ECPAS: variants seen among roughly 807,000 people sequenced by gnomAD.
ECPAS encodes the protein proteasome adapter and scaffold protein ECM29.
Under a neutral mutation model 255.1 loss-of-function variants are expected in ECPAS, and 70 were observed. The observed-to-expected ratio is 0.27, with a 90% confidence interval of 0.23 to 0.33. The LOEUF is 0.33. ECPAS is among the 10% of genes least tolerant of loss of function. The probability of loss-of-function intolerance (pLI) is 1.00; values close to 1 mark genes in which losing one functional copy is unlikely to be tolerated. For missense variants in ECPAS, 1,817 were observed against 2,206.4 expected, an observed-to-expected ratio of 0.82 and a Z score of 3.54; for synonymous variants, 784 against 775.0, an observed-to-expected ratio of 1.01 and a Z score of -0.19.
Position 111,408,600 on chromosome 9 carries a change from G to A in ECPAS, c.2623C>T (p.Leu875Phe). 6.3e-7 allele frequency: 1 copy of A among 1,593,666 alleles called. No individual in the cohort carries two copies. Among genetic ancestry groups the A allele is most frequent in the East Asian group, 2.3e-5 (1 of 44,352 alleles). ...GDGDFPHQKL[L>F]LQGLMDSVEA... is the part of the protein sequence containing the mutation. ...ACAGAATCCATCAGACCTTGCAAGA[G>A]GAGTTTCTGGTGAGGAAAATCTCCA... Residue 875 changes from leucine (L) to phenylalanine (F), a missense_variant, in exon 24 of 50, where the codon CTC (leucine) becomes TTC (phenylalanine). Leu to Phe is a conservative substitution (Grantham distance 22). Transcript: ENST00000684092.
intron 49 of ECPAS, among the ~76,000 whole-genome samples, chr9:111,363,038 G>A (rs72607198): frequency 0.063 from 9,547 of 151,988 alleles, 435 homozygotes; most frequent in East Asian, 0.19. Flanking sequence ...GAGAGAGAGA[G>A]AGAAAAAAGA....
chr9:111,478,852 T>C (rs376508870), intron 1 of ECPAS, among the ~76,000 whole-genome samples: 35 of 152,358 alleles, frequency 2.3e-4, no homozygotes, highest in East Asian at 2.1e-3. Flanking sequence ...CTCAATAGTA[T>C]TGTAATTCCT....
intron 2 of ECPAS, among the ~76,000 whole-genome samples, chr9:111,470,962 T>G (rs187302748): frequency 6.6e-6 from 1 of 151,956 alleles, no homozygotes; most frequent in African/African-American, 2.4e-5. Flanking sequence ...TTTTAGGAGG[T>G]GACAAGCAGG....
intron 2 of ECPAS, among the ~76,000 whole-genome samples, chr9:111,471,982 T>G (rs1319871739): frequency 6.6e-6 from 1 of 151,992 alleles, no homozygotes; most frequent in Non-Finnish European, 1.5e-5. Context: ...ACAACTATGA[T>G]CCCAGCTACT....
intron 3 of ECPAS, among the ~76,000 whole-genome samples, chr9:111,448,904 A>G (rs1269006233): frequency 6.6e-6 from 1 of 152,216 alleles, no homozygotes; most frequent in Admixed American, 6.5e-5. Flanking sequence ...AGAGAAATTC[A>G]TAAGCTGAGG....
At chr9:111,375,047 G>T in intron 38 of ECPAS, 66 bp downstream of exon 38, 1 of 1,122,918 alleles carries the variant, frequency 8.9e-7, no homozygotes, top group Non-Finnish European at 1.4e-6. Context: ...AAACATGATG[G>T]CTGTTATATC....
Position 111,361,924 on chromosome 9 carries a change from G to T in ECPAS, c.*106C>A. The stretch of plus-strand genomic sequence containing the variant: ...CTTTTTATTTCAGCCAAGGAATGAT[G>T]CATGCTACAGATTAATCTTTACTTT... On this transcript the variant is annotated 3_prime_UTR_variant, in exon 50 of 50. Transcript: ENST00000684092. 8.1e-7 allele frequency: 1 copy of T among 1,239,014 alleles called. No individual in the cohort carries two copies. The highest frequency in any genetic ancestry group is 1.1e-6 in the Non-Finnish European group (1 of 906,674). The allele number at this position is 1,239,014 out of a possible 1,614,324, so 76.8% of individuals were successfully genotyped here.
intron 1 of ECPAS, among the ~76,000 whole-genome samples, chr9:111,480,681 G>A (rs749494552): frequency 2.0e-5 from 3 of 152,150 alleles, no homozygotes; most frequent in Non-Finnish European, 2.9e-5. Flanking sequence ...CTTAACCAGT[G>A]TACATGTATA....
chr9:111,434,515 T>C (rs1360195062), intron 7 of ECPAS, among the ~76,000 whole-genome samples: 1 of 151,456 alleles, frequency 6.6e-6, no homozygotes, highest in African/African-American at 2.4e-5. Flanking sequence ...TTTAAAACGG[T>C]GAACACACAC....
chr9:111,383,847 G>A (rs555148619), intron 34 of ECPAS, among the ~76,000 whole-genome samples: 5 of 152,114 alleles, frequency 3.3e-5, no homozygotes, highest in South Asian at 2.1e-4. Context: ...TCCTGACCCC[G>A]GCAGGTCGAG....
chr9:111,389,755 C>A, intron 30 of ECPAS, 32 bp from the exon 31 acceptor site: 6 of 1,574,006 alleles, frequency 3.8e-6, no homozygotes, highest in Non-Finnish European at 5.2e-6. Context: ...GACTCAGATG[C>A]ACCATTATAG....
At chr9:111,406,539 T>G (rs1348089785) in intron 24 of ECPAS, among the ~76,000 whole-genome samples, 2 of 149,886 alleles carry the variant, frequency 1.3e-5, no homozygotes, top group East Asian at 4.0e-4. Flanking sequence ...AAATGATAAA[T>G]GCTTAAAATG....
chr9:111,377,305 TA>T (rs911748297), intron 36 of ECPAS, among the ~76,000 whole-genome samples: 5 of 151,646 alleles, frequency 3.3e-5, no homozygotes, highest in African/African-American at 9.7e-5. Flanking sequence ...ATATATAAAT[TA>T]AAAAAACAGT....
intron 20 of ECPAS, among the ~76,000 whole-genome samples, chr9:111,413,405 T>C (rs918737658): frequency 1.3e-5 from 2 of 152,230 alleles, no homozygotes; most frequent in Admixed American, 6.5e-5. Context: ...AATAGTATGC[T>C]GCTTTTGATA....
intron 2 of ECPAS, among the ~76,000 whole-genome samples, chr9:111,468,053 T>C (rs1249041141): frequency 6.6e-6 from 1 of 152,030 alleles, no homozygotes; most frequent in African/African-American, 2.4e-5. Context: ...CTAGGAAGGA[T>C]GAGACAGAAC....
Position 111,484,378 on chromosome 9 carries a change from G to T in ECPAS, c.-345C>A. 1.9e-6 allele frequency: 3 copies of T among 1,611,774 alleles called. No homozygotes were observed. The highest frequency in any genetic ancestry group is 2.5e-6 in the Non-Finnish European group (3 of 1,179,424). On this transcript the variant is annotated 5_prime_UTR_variant, in exon 1 of 50. Coordinates refer to ENST00000684092, the MANE Select transcript of ECPAS (RefSeq NM_001364929.1). ...CACGCCTGTCCAAAGGAAGAGACGT[G>T]GACTCAGAAAAGTAGAGCCGGGCTC...
chr9:111,432,493 A>ACCT lies in ECPAS; in HGVS notation c.848+739_848+740insAGG, dbSNP rs1589191167. Among the ~76,000 whole-genome samples, 3 of 152,340 alleles carry ACCT rather than the reference A, an allele frequency of 2.0e-5. No homozygotes were observed. The East Asian group carries it at 5.8e-4, about 29-fold the overall frequency. ...GGCAGGCATGGTGGCCAGCACCTGT[A>ACCT]GTCCCAGCTACTTGGGAGGCTGAGG... On this transcript the variant is annotated intron_variant, in intron 8 of 49. Transcript: ENST00000684092.
intron 24 of ECPAS, among the ~76,000 whole-genome samples, chr9:111,401,717 T>C (rs2098176340): frequency 6.6e-6 from 1 of 152,192 alleles, no homozygotes; most frequent in Admixed American, 6.5e-5. Context: ...AATGCATTCC[T>C]TCCCCAGGGT....
intron 1 of ECPAS, among the ~76,000 whole-genome samples, chr9:111,479,041 A>T (rs538695201): frequency 2.0e-5 from 3 of 152,214 alleles, no homozygotes; most frequent in Non-Finnish European, 4.4e-5. Flanking sequence ...CTGTGAGTGC[A>T]TACTAGAGAC....
Sources: gnomAD v4.1 joint callset for allele counts (sites outside exome capture counted in the v4.1 genomes callset) on GRCh38, gnomAD v4.1.1 for gene constraint, MANE v1.5 for transcripts, NCBI Gene and HGNC (gene_info 2026-07-23, HGNC 2026-07-21) for gene names.